The following HPS4 variants were observed in gnomAD, a reference collection of about 807,000 sequenced individuals.
The protein encoded by HPS4 is HPS4 biogenesis of lysosomal organelles complex 3 subunit 2, also known as BLOC-3 complex member HPS4.
In HPS4, 44 loss-of-function variants were observed where a neutral mutation model predicts 70.3. The ratio of observed to expected loss-of-function variants is 0.63; its 90% CI spans 0.49 to 0.80. The LOEUF (loss-of-function observed/expected upper bound fraction) is 0.80. Among genes scored for constraint, HPS4 ranks in the 30% least tolerant of loss-of-function variants. The pLI is 0.00. For missense variants in HPS4, 873 were observed against 884.4 expected, an observed-to-expected ratio of 0.99 and a Z score of 0.16; for synonymous variants, 377 against 355.9, an observed-to-expected ratio of 1.06 and a Z score of -0.67.
Position 26,472,188 on chromosome 22 carries a change from G to A in HPS4, c.501+114C>T, listed in dbSNP as rs532284504. ...GACCTGCCGTGTCATGGCCCTGCCT[G>A]AGAAGTGACATTCTACTCACTTTTC... On this transcript the variant is annotated intron_variant, in intron 6 of 13. Transcript: ENST00000398145. The A allele has an allele frequency of 5.6e-4, 446 of 792,774 alleles. 7 individuals carry two copies. In the South Asian group the frequency reaches 6.0e-3, roughly 11 times the overall value. The allele number at this position is 792,774 out of a possible 1,614,324, so 49.1% of individuals were successfully genotyped here.
At chr22:26,475,581 A>G (rs2090435848) in intron 4 of HPS4, 1 of 151,694 alleles carries the variant, frequency 6.6e-6, no homozygotes, top group South Asian at 2.1e-4. Flanking sequence ...TGAATTCCTG[A>G]CCTCAGGTGA....
chr22:26,469,533 C>G (rs1413072794), intron 7 of HPS4, among the ~76,000 whole-genome samples: 1 of 151,566 alleles, frequency 6.6e-6, no homozygotes, highest in Non-Finnish European at 1.5e-5. Flanking sequence ...GATTTGTTTA[C>G]AGTGAAAATG....
At position 26,451,439 on chromosome 22, in the gene HPS4, A is replaced by T. The variant is rs957303657; in HGVS notation, c.*1794T>A. 20 of 152,266 alleles carry T rather than the reference A, an allele frequency of 1.3e-4. No individual in the cohort carries two copies. The highest frequency in any genetic ancestry group is 4.8e-4 in the African/African-American group (20 of 41,456). The allele number at this position is 152,266 out of a possible 1,614,324, so 9.4% of individuals were successfully genotyped here. On this transcript the variant is annotated 3_prime_UTR_variant, in exon 14 of 14. Transcript: ENST00000398145. ...AGCAGAACCTCCACTGCAGAAACTA[A>T]GCAGGATCAAAGGAGGAAAGAAAGG...
chr22:26,468,110 C>T, intron 8 of HPS4: 1 of 180,618 alleles, frequency 5.5e-6, no homozygotes, highest in Non-Finnish European at 1.2e-5. Flanking sequence ...ATCATGTTGG[C>T]CAGGCTGGTC....
downstream of HPS4, chr22:26,443,245 G>T: frequency 1.3e-6 from 2 of 1,563,984 alleles, no homozygotes; most frequent in South Asian, 1.1e-5. Context: ...AAGGGCCGAG[G>T]CGGGGCCTGG....
intron 7 of HPS4, among the ~76,000 whole-genome samples, chr22:26,468,913 C>T (rs1156503837): frequency 6.6e-6 from 1 of 152,100 alleles, no homozygotes; most frequent in East Asian, 1.9e-4. Context: ...TGTTCATCAA[C>T]AAGACAGTAA....
At position 26,464,586 on chromosome 22, in the gene HPS4, C is replaced by CT; in HGVS notation, c.1043dup (p.Val349GlyfsTer23). On this transcript the variant is annotated frameshift_variant, in exon 11 of 14. Coordinates refer to ENST00000398145, the MANE Select transcript of HPS4 (RefSeq NM_022081.6). LOFTEE classifies it high-confidence loss of function. Reference sequence around the variant, plus strand: ...CCAGGGAGGAGCTGAGGCCAAGAACCTCACCCCTGGCAGAGTTGTGCAGTC... The same window carrying CT: ...CCAGGGAGGAGCTGAGGCCAAGAACCTTCACCCCTGGCAGAGTTGTGCAGTC... The CT allele has an allele frequency of 6.2e-7, 1 of 1,614,204 alleles. No individual in the cohort carries two copies. The highest frequency in any genetic ancestry group is 1.1e-5 in the South Asian group (1 of 91,082).
intron 2 of HPS4, chr22:26,479,560 C>T: frequency 7.1e-7 from 1 of 1,409,570 alleles, no homozygotes; most frequent in Non-Finnish European, 9.2e-7. Flanking sequence ...AAAAATATGC[C>T]TCTATCCAGC....
At chr22:26,467,741 A>G (rs374717284) in intron 8 of HPS4, 3 of 152,176 alleles carry the variant, frequency 2.0e-5, no homozygotes. Context: ...AAAGGACTGG[A>G]AGGAGATATG....
At position 26,452,211 on chromosome 22, in the gene HPS4, C is replaced by G; in HGVS notation, c.*1022G>C. 1 of 359,360 alleles carries G rather than the reference C, an allele frequency of 2.8e-6. No individual in the cohort carries two copies. 22.3% of individuals were successfully genotyped at this position (359,360 alleles called of 1,614,324 possible). On this transcript the variant is annotated 3_prime_UTR_variant, in exon 14 of 14. Transcript: ENST00000398145. ...CACTGACATGAAATTATTAACAATA[C>G]AACTCTCAAATGGAATCTCAAGTAC...
Position 26,472,272 on chromosome 22 carries a change from TAAAATGAATAAGGAGGATG to T in HPS4, c.501+11_501+29del, listed in dbSNP as rs778764600. The T allele has an allele frequency of 7.8e-7, 1 of 1,288,156 alleles. No individual in the cohort carries two copies. The allele number at this position is 1,288,156 out of a possible 1,614,324, so 79.8% of individuals were successfully genotyped here. A position where few individuals can be genotyped will look rare whatever the true frequency, so the allele number is the denominator to read the frequency against. ...TATCCAGAAGCCCTAGTCTTACATA[TAAAATGAATAAGGAGGATG>T]AAAATGTTACTTTAGTTTGGTCCAA... On this transcript the variant is annotated intron_variant, in intron 6 of 13. Coordinates refer to ENST00000398145, the MANE Select transcript of HPS4 (RefSeq NM_022081.6).
intron 9 of HPS4, chr22:26,465,969 T>C (rs2088505156): frequency 6.6e-6 from 8 of 1,208,212 alleles, no homozygotes; most frequent in Non-Finnish European, 9.3e-6. Context: ...CTCCTGGCAC[T>C]TGACCGAGCA....
rs1318167947 is a variant in HPS4 at position 26,463,984 on chromosome 22, T to C, written c.1646A>G (p.Lys549Arg). 1.2e-6 allele frequency: 2 copies of C among 1,614,244 alleles called. No homozygotes were observed. The highest frequency in any genetic ancestry group is 2.2e-5 in the East Asian group (1 of 44,880). Residue 549 changes from lysine to arginine, a missense_variant, in exon 11 of 14, where the codon AAA becomes AGA. Physicochemically the swap from Lys to Arg is conservative, Grantham distance 26. Transcript: ENST00000398145. ...AGCCAGCAGGGACAGCACCAGCCCT[T>C]TGACGCAGTGAGTGTAGAGATTCAT... ...VRMNLYTHCV[K>R]GLVLSLLAEE...
chr22:26,471,397 A>C (rs1274215178), intron 6 of HPS4: 1 of 456,158 alleles, frequency 2.2e-6, no homozygotes, highest in Non-Finnish European at 4.4e-6. Flanking sequence ...CCCTAAAAAT[A>C]CAAGAAAAGC....
chr22:26,468,967 A>G lies in HPS4; in HGVS notation c.597-344T>C, dbSNP rs1159882335. ...TCCCAAAAAGTATGCAGTCCTCATA[A>G]GAATGAGGTAGACCCATATGAACCG... is the stretch of plus-strand genomic sequence containing the variant. On this transcript the variant is annotated intron_variant, in intron 7 of 13. Transcript: ENST00000398145. 2.0e-5 allele frequency among the ~76,000 whole-genome samples: 3 copies of G among 152,242 alleles called. No individual in the cohort carries two copies. In the East Asian group the frequency reaches 5.8e-4, roughly 29 times the overall value.
chr22:26,471,683 G>A (rs1357495778), intron 6 of HPS4, among the ~76,000 whole-genome samples: 1 of 152,186 alleles, frequency 6.6e-6, no homozygotes, highest in Admixed American at 6.5e-5. Context: ...CTCTGTGAAG[G>A]CTGAGCCACA....
chr22:26,463,131 AC>A (rs1295434183), intron 11 of HPS4, among the ~76,000 whole-genome samples: 4 of 152,178 alleles, frequency 2.6e-5, no homozygotes, highest in Admixed American at 1.3e-4. Flanking sequence ...TTCCCTGCCT[AC>A]TAAAGCAAGG....
downstream of HPS4, among the ~76,000 whole-genome samples, chr22:26,448,339 T>C (rs1348124587): frequency 6.6e-6 from 1 of 152,226 alleles, no homozygotes; most frequent in African/African-American, 2.4e-5. Context: ...GAAAAGCAAC[T>C]TGCCCTGATT....
Position 26,472,374 on chromosome 22 carries a change from G to C in HPS4, c.429C>G (p.Ile143Met). ...CACTGGTGTTTTTCAGAATTTGCTCGATGAAGGTGTCCCACTCCGTGCTCA... is the reference window on the plus strand; with the variant it reads ...CACTGGTGTTTTTCAGAATTTGCTCCATGAAGGTGTCCCACTCCGTGCTCA... ...EELSTEWDTF[I>M]EQILKNTSDL... Residue 143 changes from isoleucine (I) to methionine (M), a missense_variant, in exon 6 of 14, where the codon ATC becomes ATG. Ile to Met is a conservative substitution (Grantham distance 10). Transcript: ENST00000398145. 4 of 1,613,820 alleles carry C rather than the reference G, an allele frequency of 2.5e-6. No individual in the cohort carries two copies. Among genetic ancestry groups the C allele is most frequent in the Non-Finnish European group, 3.4e-6 (4 of 1,179,680 alleles).
Sources: gnomAD v4.1 joint callset for allele counts (sites outside exome capture counted in the v4.1 genomes callset) on GRCh38, gnomAD v4.1.1 for gene constraint, MANE v1.5 for transcripts, NCBI Gene and HGNC (gene_info 2026-07-23, HGNC 2026-07-21) for gene names.